USP4: variants seen among roughly 807,000 people sequenced by gnomAD.
The protein encoded by USP4 is ubiquitin carboxyl-terminal hydrolase 4.
Under a neutral mutation model 118.2 loss-of-function variants are expected in USP4, and 72 were observed. The ratio of observed to expected loss-of-function variants is 0.61; its 90% CI spans 0.50 to 0.74. The LOEUF (loss-of-function observed/expected upper bound fraction) is 0.74, where lower values mean the gene tolerates loss of function less well. Among genes scored for constraint, USP4 ranks in the 30% least tolerant of loss-of-function variants. The probability of loss-of-function intolerance (pLI) is 0.00; values close to 1 mark genes in which losing one functional copy is unlikely to be tolerated. For missense variants in USP4, 1,037 were observed against 1,185.7 expected, an observed-to-expected ratio of 0.87 and a Z score of 1.84; for synonymous variants, 415 against 440.4, an observed-to-expected ratio of 0.94 and a Z score of 0.72.
rs1245992216 is a variant in USP4, at chr3:49,285,616, C to T, written c.2200+482G>A. Among the ~76,000 whole-genome samples, 4 of 152,048 alleles carry T rather than the reference C, an allele frequency of 2.6e-5. No homozygotes were observed. The East Asian group carries it at 7.7e-4, about 29-fold the overall frequency. Reference sequence around the variant, plus strand: ...AACTGGCAAAGGTGTCCTCACTGGCCAATTGTGCTTTTCACACAACCCCTC... The same window carrying T: ...AACTGGCAAAGGTGTCCTCACTGGCTAATTGTGCTTTTCACACAACCCCTC... On this transcript the variant is annotated intron_variant, in intron 16 of 21. Transcript: ENST00000265560.
chr3:49,284,384 G>T (rs1023322381), intron 18 of USP4, 82 bp downstream of exon 18: 2 of 1,165,156 alleles, frequency 1.7e-6, no homozygotes, highest in African/African-American at 1.5e-5. Context: ...AATACAAAGG[G>T]GTTTATGTGC....
At chr3:49,317,254 C>T (rs769548065) in intron 6 of USP4, 4 of 1,541,158 alleles carry the variant, frequency 2.6e-6, no homozygotes, top group African/African-American at 1.4e-5. Context: ...GGCAATCTTG[C>T]GTGCCAGGTT....
At chr3:49,292,196 C>T (rs1243386508) in intron 15 of USP4, among the ~76,000 whole-genome samples, 1 of 148,736 alleles carries the variant, frequency 6.7e-6, no homozygotes, top group Non-Finnish European at 1.5e-5. Flanking sequence ...TGAGGTGGGA[C>T]AATCACTTAA....
intron 8 of USP4, among the ~76,000 whole-genome samples, chr3:49,307,641 G>A (rs1339907533): frequency 6.6e-6 from 1 of 151,906 alleles, no homozygotes; most frequent in Non-Finnish European, 1.5e-5. Flanking sequence ...TTACCACTGA[G>A]TCCCTATGTA....
chr3:49,277,144 A>G lies in USP4; in HGVS notation c.*1149T>C. 1 of 1,444,392 alleles carries G rather than the reference A, an allele frequency of 6.9e-7. No individual in the cohort carries two copies. Among genetic ancestry groups the G allele is most frequent in the Non-Finnish European group, 9.2e-7 (1 of 1,088,378 alleles). The allele number at this position is 1,444,392 out of a possible 1,614,324, so 89.5% of individuals were successfully genotyped here. Reference sequence around the variant, plus strand: ...CTCCCAGGCCGCTGGCCCTACCGGCACCCCCCCTTTGGCGAGTCGGCAGCC... The same window carrying G: ...CTCCCAGGCCGCTGGCCCTACCGGCGCCCCCCCTTTGGCGAGTCGGCAGCC... On this transcript the variant is annotated 3_prime_UTR_variant, in exon 22 of 22. Coordinates refer to ENST00000265560, the MANE Select transcript of USP4 (RefSeq NM_003363.4).
intron 15 of USP4, among the ~76,000 whole-genome samples, chr3:49,291,242 G>A (rs1260379781): frequency 6.7e-6 from 1 of 149,456 alleles, no homozygotes; most frequent in South Asian, 2.1e-4. Context: ...GGGATTACAG[G>A]TGTGAGTCAC....
chr3:49,317,738 G>A (rs2047456358), intron 6 of USP4, among the ~76,000 whole-genome samples: 1 of 149,028 alleles, frequency 6.7e-6, no homozygotes, highest in Non-Finnish European at 1.5e-5. Context: ...ATTTTTAGTA[G>A]AGACGGGGTT....
chr3:49,277,442 A>G lies in USP4; in HGVS notation c.*851T>C. On this transcript the variant is annotated 3_prime_UTR_variant, in exon 22 of 22. Transcript: ENST00000265560. ...TTCTAGAAAGCATCTGGGTAACACC[A>G]AAATGTATTACTACCCTAAATCGCC... 1 of 274,000 alleles carries G rather than the reference A, an allele frequency of 3.6e-6. No individual in the cohort carries two copies. The allele number at this position is 274,000 out of a possible 1,614,324, so 17.0% of individuals were successfully genotyped here.
At chr3:49,318,803 A>C (rs999124905) in intron 6 of USP4, 2 of 164,124 alleles carry the variant, frequency 1.2e-5, no homozygotes, top group African/African-American at 4.8e-5. Flanking sequence ...CCAGCTGCTC[A>C]GGAGGCTGAG....
chr3:49,300,750 CCA>C, intron 10 of USP4, 59 bp from the exon 11 acceptor site: 3 of 1,509,200 alleles, frequency 2.0e-6, no homozygotes, highest in Non-Finnish European at 2.7e-6. Context: ...GCCCCTGCAT[CCA>C]GAATGACTCA....
rs182566437 is a variant in USP4 at position 49,299,497 on chromosome 3, A to G, written c.1513-862T>C. Among the ~76,000 whole-genome samples the G allele has an allele frequency of 2.0e-3, 296 of 151,072 alleles. 2 individuals carry two copies. Among genetic ancestry groups the G allele is most frequent in the African/African-American group, 6.8e-3 (281 of 41,032 alleles). On this transcript the variant is annotated intron_variant, in intron 11 of 21. Coordinates refer to ENST00000265560, the MANE Select transcript of USP4 (RefSeq NM_003363.4). ...AAGCTCCGCCTCCCGGGTTCACGCCATTCTCCTGCCTCAGCTGCCCGAGTA... is the reference window on the plus strand; with the variant it reads ...AAGCTCCGCCTCCCGGGTTCACGCCGTTCTCCTGCCTCAGCTGCCCGAGTA...
intron 11 of USP4, 141 bp downstream of exon 11, chr3:49,300,326 G>T: frequency 1.5e-6 from 1 of 673,266 alleles, no homozygotes. Flanking sequence ...TTAGACAAAG[G>T]TCTGATGGAG....
Position 49,283,008 on chromosome 3 carries a change from CTTTTTTTTTT to C in USP4, c.2540+969_2540+978del, listed in dbSNP as rs71077783. ...CAGGTGTGAGCCACTGTGCCGGCCT[CTTTTTTTTTT>C]TTTTTTTTTTTTTTTTGAGATAGAG... On this transcript the variant is annotated intron_variant, in intron 19 of 21. Coordinates refer to ENST00000265560, the MANE Select transcript of USP4 (RefSeq NM_003363.4). Among the ~76,000 whole-genome samples, 9 of 78,284 alleles carry C rather than the reference CTTTTTTTTTT, an allele frequency of 1.1e-4. 1 individual carries two copies. Among genetic ancestry groups the C allele is most frequent in the East Asian group, 1.1e-3 (3 of 2,716 alleles). 51.4% of individuals were successfully genotyped at this position (78,284 alleles called of 152,430 possible).
At chr3:49,306,029 T>C in intron 8 of USP4, 141 bp from the exon 9 acceptor site, 1 of 808,076 alleles carries the variant, frequency 1.2e-6, no homozygotes, top group Non-Finnish European at 1.8e-6. Context: ...CTCACGACAG[T>C]AAAGCACAGC....
In USP4 at chr3:49,317,276, G is replaced by A. The variant is rs932938084; in HGVS notation, c.696-5622C>T. ...TTGCGTGCCAGGTTCTCGTTGACGC[G>A]GGCCAGCTTCTCGTTGACGCAGGCC... On this transcript the variant is annotated intron_variant, in intron 6 of 21. Transcript: ENST00000265560. 255 of 1,531,910 alleles carry A rather than the reference G, an allele frequency of 1.7e-4. 1 individual carries two copies. The highest frequency in any genetic ancestry group is 1.7e-4 in the Middle Eastern group (1 of 5,956). 94.9% of individuals were successfully genotyped at this position (1,531,910 alleles called of 1,614,324 possible).
intron 8 of USP4, among the ~76,000 whole-genome samples, chr3:49,307,188 C>T (rs2047327672): frequency 6.6e-6 from 1 of 152,054 alleles, no homozygotes; most frequent in East Asian, 1.9e-4. Context: ...TAGTTCATAC[C>T]TGTAATCCCA....
chr3:49,311,441 C>A, intron 7 of USP4, 73 bp downstream of exon 7: 4 of 1,538,930 alleles, frequency 2.6e-6, no homozygotes, highest in Non-Finnish European at 3.5e-6. Context: ...AGTGGAGCAG[C>A]AGATGAGCTC....
chr3:49,337,275 T>C (rs1455342214), intron 1 of USP4, among the ~76,000 whole-genome samples: 1 of 149,016 alleles, frequency 6.7e-6, no homozygotes, highest in Non-Finnish European at 1.5e-5. Flanking sequence ...TAAAACCCTG[T>C]CAAAAAAAAA....
intron 14 of USP4, chr3:49,293,597 G>A (rs1247398534): frequency 6.6e-6 from 1 of 152,230 alleles, no homozygotes; most frequent in Non-Finnish European, 1.5e-5. Context: ...CTTGAACCTG[G>A]GAGGTAGAGG....
Sources: allele counts gnomAD v4.1 joint callset (sites outside exome capture counted in the v4.1 genomes callset), GRCh38; gene constraint gnomAD v4.1.1; transcripts MANE v1.5; gene names NCBI Gene and HGNC (gene_info 2026-07-23, HGNC 2026-07-21).